The following NDUFA8 variants were observed in gnomAD, a reference collection of about 807,000 sequenced individuals.
NDUFA8 encodes the protein NADH dehydrogenase [ubiquinone] 1 alpha subcomplex subunit 8.
A neutral mutation model predicts 20.9 loss-of-function variants in NDUFA8; 16 were observed. That is an observed-to-expected ratio of 0.77 (90% CI 0.52 to 1.16). NDUFA8 has a LOEUF of 1.16. Among genes scored for constraint, NDUFA8 ranks in the 50% most tolerant of loss-of-function variants. NDUFA8 has a pLI of 0.00. For synonymous variants in NDUFA8, 70 were observed against 76.1 expected (o/e 0.92, Z 0.41); for missense variants, 202 against 216.4 (o/e 0.93, Z 0.42).
the NDUFA8 span, among the ~76,000 whole-genome samples, chr9:122,135,156 GCTCT>G: frequency 6.6e-6 from 1 of 152,166 alleles, no homozygotes; most frequent in Non-Finnish European, 1.5e-5. Context: ...GCCTGGAAAA[GCTCT>G]CTGCCTGTCC....
rs1564412617 is a variant in NDUFA8, at chr9:122,159,720, T to TCGCC, written c.-47_-44dup. On this transcript the variant is annotated 5_prime_UTR_variant, in exon 1 of 4. It removes the in-frame stop codon of an upstream open reading frame in the 5' UTR. Transcript: ENST00000373768. ...CCCCGACGAGAAGCCCTCAGCCGCG[T>TCGCC]CGCCCCCGTCTCCTTGAACTCCCCT... 1.2e-6 allele frequency: 2 copies of TCGCC among 1,613,688 alleles called. No individual in the cohort carries two copies. Among genetic ancestry groups the TCGCC allele is most frequent in the Middle Eastern group, 3.3e-4 (2 of 6,062 alleles).
the NDUFA8 span, among the ~76,000 whole-genome samples, chr9:122,138,865 T>TTGG: frequency 1.5e-4 from 13 of 89,384 alleles, no homozygotes; most frequent in Non-Finnish European, 2.7e-4. Flanking sequence ...CAAGAAGAGG[T>TTGG]GGGGGGGGGG....
chr9:122,153,884 T>C (rs1256264096), intron 1 of NDUFA8, among the ~76,000 whole-genome samples: 3 of 152,218 alleles, frequency 2.0e-5, no homozygotes, highest in Non-Finnish European at 4.4e-5. Flanking sequence ...CTTCACATCC[T>C]CAGAGAGCCT....
At chr9:122,149,613 A>G (rs1305774960) in intron 2 of NDUFA8, among the ~76,000 whole-genome samples, 3 of 152,250 alleles carry the variant, frequency 2.0e-5, no homozygotes, top group African/African-American at 7.2e-5. Flanking sequence ...CTTAAAATGT[A>G]CTACCACTGG....
downstream of NDUFA8, among the ~76,000 whole-genome samples, chr9:122,143,267 T>C (rs1437425448): frequency 6.6e-6 from 1 of 152,100 alleles, no homozygotes; most frequent in Non-Finnish European, 1.5e-5. Flanking sequence ...CCCAGGGAGC[T>C]GAGAAGACTT....
the NDUFA8 span, among the ~76,000 whole-genome samples, chr9:122,135,228 C>T: frequency 0.45 from 67,875 of 152,156 alleles, 18,103 homozygotes; most frequent in Middle Eastern, 0.63. Context: ...TCCCATTGGC[C>T]GCACACCTAG....
intron 1 of NDUFA8, among the ~76,000 whole-genome samples, chr9:122,153,278 AAATT>A (rs1020302357): frequency 7.3e-5 from 11 of 150,446 alleles, no homozygotes; most frequent in Non-Finnish European, 8.9e-5. Flanking sequence ...AAAAAAAAAA[AAATT>A]AAATTAAATT....
the NDUFA8 span, among the ~76,000 whole-genome samples, chr9:122,137,443 G>A: frequency 6.6e-6 from 1 of 152,004 alleles, no homozygotes; most frequent in Non-Finnish European, 1.5e-5. Flanking sequence ...GTTTCACCAT[G>A]TTGGCCAGGC....
At chr9:122,140,460 G>A (rs1828803659), downstream of NDUFA8, among the ~76,000 whole-genome samples, 1 of 152,158 alleles carries the variant, frequency 6.6e-6, no homozygotes, top group Non-Finnish European at 1.5e-5. Context: ...TAACCTCAAA[G>A]AGTTACTCGC....
At chr9:122,138,873 G>GGT in the NDUFA8 span, among the ~76,000 whole-genome samples, 2 of 140,532 alleles carry the variant, frequency 1.4e-5, no homozygotes, top group South Asian at 2.7e-4. Context: ...GGTGGGGGGG[G>GGT]GGCCATCTGA....
chr9:122,158,489 G>A (rs943614165), intron 1 of NDUFA8, among the ~76,000 whole-genome samples: 6 of 152,076 alleles, frequency 3.9e-5, no homozygotes, highest in African/African-American at 1.2e-4. Context: ...CTGCTAGGCC[G>A]TCTCATTCTT....
chr9:122,159,191 G>T (rs954467992), intron 1 of NDUFA8, among the ~76,000 whole-genome samples: 1 of 152,030 alleles, frequency 6.6e-6, no homozygotes, highest in Non-Finnish European at 1.5e-5. Context: ...CCGCGGCTTC[G>T]TCACCCCACT....
At position 122,153,988 on chromosome 9, in the gene NDUFA8, C is replaced by T. The variant is rs1001665639; in HGVS notation, c.52-1580G>A. ...CTAAGTCTGATCAATTCTAGACATA[C>T]TTGTTCTTTCCTCTCTGTAAGCACA... On this transcript the variant is annotated intron_variant, in intron 1 of 3. Transcript: ENST00000373768. Among the ~76,000 whole-genome samples, 3 of 152,182 alleles carry T rather than the reference C, an allele frequency of 2.0e-5. No individual in the cohort carries two copies. In the East Asian group the frequency reaches 5.8e-4, roughly 29 times the overall value.
At chr9:122,155,605 A>C (rs534939221) in intron 1 of NDUFA8, among the ~76,000 whole-genome samples, 1 of 152,364 alleles carries the variant, frequency 6.6e-6, no homozygotes, top group South Asian at 2.1e-4. Flanking sequence ...TTTTCATATT[A>C]AAGTTTTTGA....
chr9:122,159,704 G>C lies in NDUFA8; in HGVS notation c.-27C>G, dbSNP rs1159717973. ...ACGGCTGCAGCCCCGACCCCGACGA[G>C]AAGCCCTCAGCCGCGTCGCCCCCGT... On this transcript the variant is annotated 5_prime_UTR_variant, in exon 1 of 4. Coordinates refer to ENST00000373768, the MANE Select transcript of NDUFA8 (RefSeq NM_014222.3). 1 of 1,614,036 alleles carries C rather than the reference G, an allele frequency of 6.2e-7. No homozygotes were observed. The highest frequency in any genetic ancestry group is 2.2e-5 in the East Asian group (1 of 44,876).
chr9:122,153,089 A>G (rs182082971), intron 1 of NDUFA8, among the ~76,000 whole-genome samples: 2 of 151,992 alleles, frequency 1.3e-5, no homozygotes, highest in Non-Finnish European at 2.9e-5. Context: ...ACATGGTGAA[A>G]GCTTGTCTTT....
intron 1 of NDUFA8, among the ~76,000 whole-genome samples, chr9:122,158,139 C>T (rs1253594564): frequency 2.6e-5 from 4 of 152,070 alleles, no homozygotes; most frequent in Non-Finnish European, 5.9e-5. Context: ...GGCAACAGAG[C>T]GAGACTCTCA....
At chr9:122,135,867 G>A in the NDUFA8 span, among the ~76,000 whole-genome samples, 1,842 of 152,308 alleles carry the variant, frequency 0.012, 43 homozygotes, top group African/African-American at 0.043. Flanking sequence ...GGGATTACAG[G>A]TGTGAGCCAC....
the NDUFA8 span, among the ~76,000 whole-genome samples, chr9:122,137,242 T>TC: frequency 8.6e-6 from 1 of 116,850 alleles, no homozygotes; most frequent in East Asian, 2.9e-4. Flanking sequence ...CCTTTCCTTT[T>TC]TTTTTTTTTT....
Sources: gnomAD v4.1 joint callset for allele counts (sites outside exome capture counted in the v4.1 genomes callset) on GRCh38, gnomAD v4.1.1 for gene constraint, MANE v1.5 for transcripts, NCBI Gene and HGNC (gene_info 2026-07-23, HGNC 2026-07-21) for gene names.